PRDM2: variants seen among roughly 807,000 people sequenced by gnomAD.
The protein encoded by PRDM2 is PR domain zinc finger protein 2.
Under a neutral mutation model 130.0 loss-of-function variants are expected in PRDM2, and 30 were observed. The ratio of observed to expected loss-of-function variants is 0.23; its 90% confidence interval spans 0.17 to 0.31. The LOEUF (loss-of-function observed/expected upper bound fraction) is 0.31, where lower values mean the gene tolerates loss of function less well. PRDM2 is among the 10% of genes least tolerant of loss of function. The pLI is 1.00. For missense variants in PRDM2, 2,011 were observed against 2,108.4 expected (o/e 0.95, Z 0.90); for synonymous variants, 871 against 782.4 (o/e 1.11, Z -1.89).
rs1645040505 is a variant in PRDM2, at chr1:13,803,516, A to G, written c.5037-12911A>G. 6.6e-6 allele frequency among the ~76,000 whole-genome samples: 1 copy of G among 152,066 alleles called. No homozygotes were observed. Among genetic ancestry groups the G allele is most frequent in the Non-Finnish European group, 1.5e-5 (1 of 68,006 alleles). On this transcript the variant is annotated intron_variant, in intron 8 of 9. Coordinates refer to ENST00000311066, the MANE Select transcript of PRDM2 (RefSeq NM_001393986.1). This position sits in a 1 kb window ranked among gnomAD's most constrained non-coding sequence, Gnocchi z 6.2. ...CTTCCCATCATCAATGTCCCCAAAT[A>G]AGCAGTGAGCCTAGTCCTGTCTCCT...
intron 6 of PRDM2, 33 bp downstream of exon 6, chr1:13,749,520 G>A: frequency 8.2e-7 from 1 of 1,220,530 alleles, no homozygotes; most frequent in South Asian, 1.5e-5. Context: ...GCCCGGCCCC[G>A]GCGCCACGCC....
intron 7 of PRDM2, among the ~76,000 whole-genome samples, chr1:13,774,945 G>A (rs1644441261): frequency 6.6e-6 from 1 of 150,714 alleles, no homozygotes; most frequent in African/African-American, 2.4e-5. Context: ...TCCAGCCTGG[G>A]CGACAGAGCG....
At position 13,704,056 on chromosome 1, in the gene PRDM2, ATCTT is replaced by A. The variant is rs567070530; in HGVS notation, c.-66+3760_-66+3763del. 2.2e-3 allele frequency among the ~76,000 whole-genome samples: 331 copies of A among 152,378 alleles called. 3 individuals are homozygous for A. Among genetic ancestry groups the A allele is most frequent in the African/African-American group, 7.6e-3 (315 of 41,584 alleles). ...ATAAGTTGCCAAATCCTTATTTGTA[ATCTT>A]TCTAAGTGTAGATAGTATTGATTGA... On this transcript the variant is annotated intron_variant, in intron 1 of 9. Transcript: ENST00000311066.
At chr1:13,739,401 A>G (rs747306499) in intron 4 of PRDM2, among the ~76,000 whole-genome samples, 24 of 152,306 alleles carry the variant, frequency 1.6e-4, no homozygotes, top group African/African-American at 2.6e-4. Context: ...ATGCTGATCA[A>G]TGTATTTCCA....
chr1:13,795,900 G>A (rs1644915521), intron 8 of PRDM2, among the ~76,000 whole-genome samples: 1 of 152,180 alleles, frequency 6.6e-6, no homozygotes, highest in African/African-American at 2.4e-5. Context: ...TGTAGGGGGA[G>A]CAGTTGCCCA....
intron 8 of PRDM2, among the ~76,000 whole-genome samples, chr1:13,810,745 C>T (rs1415735395): frequency 2.6e-5 from 4 of 151,980 alleles, no homozygotes; most frequent in Non-Finnish European, 2.9e-5. Context: ...CCGCCCGCCT[C>T]GGCCTCCCAA....
chr1:13,723,415 A>C (rs1642798596), intron 2 of PRDM2, among the ~76,000 whole-genome samples: 1 of 152,188 alleles, frequency 6.6e-6, no homozygotes, highest in Non-Finnish European at 1.5e-5. Context: ...CTTGCTGCTA[A>C]TATGTGCAGG....
At chr1:13,712,505 C>T (rs1298267329) in intron 1 of PRDM2, among the ~76,000 whole-genome samples, 1 of 152,170 alleles carries the variant, frequency 6.6e-6, no homozygotes, top group South Asian at 2.1e-4. Flanking sequence ...GACTGACTTT[C>T]TTTCTTTCAT....
At chr1:13,742,908 C>T (rs985812473) in intron 5 of PRDM2, among the ~76,000 whole-genome samples, 29 of 152,174 alleles carry the variant, frequency 1.9e-4, no homozygotes, top group Non-Finnish European at 4.0e-4. Context: ...TTGAACAGAA[C>T]ATGTTTCTTC....
At chr1:13,714,214 A>G (rs544711963) in intron 1 of PRDM2, among the ~76,000 whole-genome samples, 75 of 145,602 alleles carry the variant, frequency 5.2e-4, no homozygotes, top group African/African-American at 1.6e-3. Flanking sequence ...GTCTTAGAGA[A>G]GAGGGTTGAT....
At chr1:13,810,006 G>C (rs1645145606) in intron 8 of PRDM2, among the ~76,000 whole-genome samples, 1 of 152,086 alleles carries the variant, frequency 6.6e-6, no homozygotes, top group African/African-American at 2.4e-5. Flanking sequence ...CTTCTTACAA[G>C]GCACAAGCAC....
intron 2 of PRDM2, among the ~76,000 whole-genome samples, chr1:13,717,140 CAT>C (rs1266570256): frequency 6.6e-6 from 1 of 152,158 alleles, no homozygotes; most frequent in Non-Finnish European, 1.5e-5. Context: ...CTGGCGAACA[CAT>C]GGGGCACATG....
At position 13,706,039 on chromosome 1, in the gene PRDM2, C is replaced by T. The variant is rs1332149798; in HGVS notation, c.-66+5739C>T. Among the ~76,000 whole-genome samples the T allele has an allele frequency of 4.0e-5, 6 of 151,666 alleles. No individual in the cohort carries two copies. In the South Asian group the frequency reaches 1.3e-3, roughly 32 times the overall value. ...ACCACCTTTTACTTAAATATTGTCC[C>T]TACTCCTGACTGCTCTGTCTTTAAA... On this transcript the variant is annotated intron_variant, in intron 1 of 9. Coordinates refer to ENST00000311066, the MANE Select transcript of PRDM2 (RefSeq NM_001393986.1).
intron 8 of PRDM2, among the ~76,000 whole-genome samples, chr1:13,794,662 A>C (rs1363214357): frequency 6.6e-6 from 1 of 152,206 alleles, no homozygotes; most frequent in Non-Finnish European, 1.5e-5. Context: ...AGGACCACAG[A>C]TGCTGTTCAC....
Position 13,711,299 on chromosome 1 carries a change from A to G in PRDM2, c.-65-4242A>G, listed in dbSNP as rs1642363377. 2.0e-5 allele frequency among the ~76,000 whole-genome samples: 3 copies of G among 152,204 alleles called. No individual in the cohort carries two copies. The East Asian group carries it at 5.8e-4, about 29-fold the overall frequency. On this transcript the variant is annotated intron_variant, in intron 1 of 9. Transcript: ENST00000311066. ...AATATGAAGGTTATGTAGGATTGCC[A>G]TGGCACTTCCACGGGGGTTTTGAGC... is the stretch of plus-strand genomic sequence containing the variant.
Position 13,782,109 on chromosome 1 carries a change from A to G in PRDM2, c.4314A>G (p.Lys1438=). Residue 1438 remains lysine (K), a synonymous_variant, in exon 8 of 10, where the codon AAA becomes AAG. Coordinates refer to ENST00000311066, the MANE Select transcript of PRDM2 (RefSeq NM_001393986.1). Reference sequence around the variant, plus strand: ...AGAAAGCAATTCTTCAGAAAAACAAATCTGCAAAGCAGAAGGCCGACTTGA... The same window carrying G: ...AGAAAGCAATTCTTCAGAAAAACAAGTCTGCAAAGCAGAAGGCCGACTTGA... ...LVQKAILQKN[K]SAKQKADLKN... 1 of 1,614,010 alleles carries G rather than the reference A, an allele frequency of 6.2e-7. No homozygotes were observed. The highest frequency in any genetic ancestry group is 8.5e-7 in the Non-Finnish European group (1 of 1,180,024).
chr1:13,779,378 C>T lies in PRDM2; in HGVS notation c.1583C>T (p.Ala528Val). 1 of 1,614,168 alleles carries T rather than the reference C, an allele frequency of 6.2e-7. No individual in the cohort carries two copies. The highest frequency in any genetic ancestry group is 8.5e-7 in the Non-Finnish European group (1 of 1,180,018). ...KGGLEEPQPP[A>V]EQAQATQNVY... is the part of the protein sequence containing the mutation. ...GGCCTTGAAGAGCCCCAGCCTCCAG[C>T]AGAACAGGCCCAGGCCACCCAGAAC... The change falls in exon 8 of 10, where the codon GCA (alanine) becomes GTA (valine). Residue 528 changes from alanine (A) to valine (V), a missense_variant. Physicochemically the swap from Ala to Val is moderately conservative, Grantham distance 64 (BLOSUM62 0). Transcript: ENST00000311066. The surrounding 1 kb of genome is among the most constrained non-coding windows in gnomAD (Gnocchi z 4.9).
intron 8 of PRDM2, among the ~76,000 whole-genome samples, chr1:13,807,765 C>T (rs1213397314): frequency 1.3e-5 from 2 of 152,188 alleles, no homozygotes; most frequent in African/African-American, 2.4e-5. Flanking sequence ...TTCTATTAGA[C>T]GTTCTATTGT....
At chr1:13,802,944 G>A (rs1442242077) in intron 8 of PRDM2, among the ~76,000 whole-genome samples, 1 of 152,222 alleles carries the variant, frequency 6.6e-6, no homozygotes, top group East Asian at 1.9e-4. Flanking sequence ...AGGTGTGAAG[G>A]CAGAGGAGGG....
Sources: gnomAD v4.1 joint callset for allele counts (sites outside exome capture counted in the v4.1 genomes callset) on GRCh38, gnomAD v4.1.1 for gene constraint, Gnocchi (gnomAD v3.1) non-coding constraint, MANE v1.5 for transcripts, NCBI Gene and HGNC (gene_info 2026-07-23, HGNC 2026-07-21) for gene names.